Variants in ZNFX1 observed in about 807,000 individuals in gnomAD.
The protein encoded by ZNFX1 is NFX1-type zinc finger-containing protein 1.
In ZNFX1, 78 loss-of-function variants were observed where a neutral mutation model predicts 179.8. The ratio of observed to expected loss-of-function variants is 0.43; its 90% CI spans 0.36 to 0.52. The LOEUF (loss-of-function observed/expected upper bound fraction) is 0.52. Among genes scored for constraint, ZNFX1 ranks in the 20% least tolerant of loss-of-function variants. The pLI is 0.00. For missense variants in ZNFX1, 1,927 were observed against 2,386.6 expected (o/e 0.81, Z 4.01); for synonymous variants, 848 against 868.5 (o/e 0.98, Z 0.42).
chr20:49,262,408 A>G (rs895062590), intron 6 of ZNFX1, among the ~76,000 whole-genome samples: 4 of 94,288 alleles, frequency 4.2e-5, no homozygotes, highest in Non-Finnish European at 1.0e-4. Flanking sequence ...ACTCTGTCTC[A>G]AAAAAAAAAA....
chr20:49,266,864 C>T (rs1358931723), intron 3 of ZNFX1, among the ~76,000 whole-genome samples: 1 of 151,896 alleles, frequency 6.6e-6, no homozygotes, highest in Non-Finnish European at 1.5e-5. Context: ...AGTAAATGGC[C>T]ATTAATTAAT....
intron 5 of ZNFX1, among the ~76,000 whole-genome samples, chr20:49,264,401 C>T (rs966891349): frequency 6.6e-6 from 1 of 152,124 alleles, no homozygotes; most frequent in East Asian, 1.9e-4. Flanking sequence ...TTTGACTGGG[C>T]ACATTGCTGC....
At chr20:49,273,393 A>G in intron 2 of ZNFX1, among the ~76,000 whole-genome samples, 1 of 152,092 alleles carries the variant, frequency 6.6e-6, no homozygotes, top group East Asian at 1.9e-4. Context: ...CGGCCTCCCA[A>G]AGTGCTGGGA....
intron 6 of ZNFX1, among the ~76,000 whole-genome samples, chr20:49,262,394 G>A (rs1176118125): frequency 6.5e-5 from 9 of 137,964 alleles, no homozygotes; most frequent in African/African-American, 2.5e-4. Flanking sequence ...GTGAGAGAGT[G>A]AGAACTCTGT....
chr20:49,254,182 A>G (rs1980912065), intron 10 of ZNFX1, among the ~76,000 whole-genome samples: 1 of 152,032 alleles, frequency 6.6e-6, no homozygotes, highest in Non-Finnish European at 1.5e-5. Context: ...ACCCACCACT[A>G]CACCCAGCTA....
intron 2 of ZNFX1, among the ~76,000 whole-genome samples, chr20:49,274,330 A>T (rs1425688286): frequency 1.3e-5 from 2 of 152,252 alleles, no homozygotes; most frequent in African/African-American, 4.8e-5. Flanking sequence ...GAGGGAAATA[A>T]ATATATGTGA....
At position 49,255,831 on chromosome 20, in the gene ZNFX1, G is replaced by A. The variant is rs1600987986; in HGVS notation, c.2781C>T (p.Leu927=). 1 of 1,613,972 alleles carries A rather than the reference G, an allele frequency of 6.2e-7. No individual in the cohort carries two copies. Among genetic ancestry groups the A allele is most frequent in the East Asian group, 2.2e-5 (1 of 44,890 alleles). The change falls in exon 9 of 14, where the codon CTC becomes CTT. Residue 927 remains leucine (L), a synonymous_variant. Coordinates refer to ENST00000396105, the MANE Select transcript of ZNFX1 (RefSeq NM_021035.3). ...NEIEDVWQLD[L]SSRWQLYRLW... ...ACCTATAAAGCTGCCAGCGAGAACT[G>A]AGGTCCAGCTGCCAAACATCCTCGA... is the stretch of plus-strand genomic sequence containing the variant.
rs749731526 is a variant in ZNFX1 at position 49,270,123 on chromosome 20, A to G, written c.1689T>C (p.Asn563=). ...TTAGAAATTCCCCAGTGGCTGAAGG[A>G]TTCTCTATTAAGGGGGTAAAGTCGT... ...GRYDFTPLIE[N]PSATGEFLRN... Residue 563 remains asparagine, a synonymous_variant, in exon 3 of 14, where the codon AAT becomes AAC. Coordinates refer to ENST00000396105, the MANE Select transcript of ZNFX1 (RefSeq NM_021035.3). The surrounding 1 kb of genome is among the most constrained non-coding windows in gnomAD (Gnocchi z 4.6). 6.2e-7 allele frequency: 1 copy of G among 1,614,184 alleles called. No homozygotes were observed. The highest frequency in any genetic ancestry group is 2.2e-5 in the East Asian group (1 of 44,886).
intron 10 of ZNFX1, among the ~76,000 whole-genome samples, chr20:49,254,033 T>C (rs1284727069): frequency 8.0e-6 from 1 of 125,482 alleles, no homozygotes; most frequent in East Asian, 2.3e-4. Flanking sequence ...TTTTTTCTTT[T>C]TTTTTTTTTC....
chr20:49,251,309 G>C (rs1980831004), intron 13 of ZNFX1, among the ~76,000 whole-genome samples: 1 of 151,868 alleles, frequency 6.6e-6, no homozygotes, highest in African/African-American at 2.4e-5. Context: ...TGCTCAGCTA[G>C]TTTTTGTATT....
chr20:49,256,940 C>G (rs893164488), intron 8 of ZNFX1, among the ~76,000 whole-genome samples: 7 of 152,224 alleles, frequency 4.6e-5, no homozygotes, highest in Non-Finnish European at 7.3e-5. Flanking sequence ...CATGAAGACA[C>G]CTGGGCATTC....
At chr20:49,266,389 G>A (rs142297323) in intron 3 of ZNFX1, 123 bp from the exon 4 acceptor site, 437 of 1,011,228 alleles carry the variant, frequency 4.3e-4, no homozygotes, top group African/African-American at 3.9e-3. Context: ...TCTAAGAAGC[G>A]TACATTGTAT....
intron 2 of ZNFX1, 151 bp from the exon 3 acceptor site, chr20:49,271,901 AAAT>A: frequency 1.3e-5 from 12 of 920,332 alleles, no homozygotes; most frequent in Non-Finnish European, 1.6e-5. Flanking sequence ...GTCATATGAT[AAAT>A]GAAAGATAAT....
At chr20:49,257,289 AG>A in intron 8 of ZNFX1, 127 bp downstream of exon 8, 1 of 1,317,726 alleles carries the variant, frequency 7.6e-7, no homozygotes, top group Non-Finnish European at 1.0e-6. Flanking sequence ...ATCTCATACC[AG>A]GGGTAGGCTG....
chr20:49,269,915 T>C (rs763848655), intron 3 of ZNFX1, 27 bp downstream of exon 3: 1 of 1,563,840 alleles, frequency 6.4e-7, no homozygotes, highest in Admixed American at 2.0e-5. Flanking sequence ...AAGCAGATCT[T>C]ATGTACTCTA....
At chr20:49,276,030 A>G (rs1981548151) in intron 1 of ZNFX1, 143 bp from the exon 2 acceptor site, 1 of 575,974 alleles carries the variant, frequency 1.7e-6, no homozygotes, top group South Asian at 2.3e-5. Context: ...AATCTAGAGC[A>G]CAAGTGCTCG....
intron 7 of ZNFX1, among the ~76,000 whole-genome samples, chr20:49,258,368 G>A (rs1230048987): frequency 6.6e-6 from 1 of 152,122 alleles, no homozygotes; most frequent in African/African-American, 2.4e-5. Context: ...GATTACAGGT[G>A]TGAGCCACTG....
chr20:49,272,123 C>T (rs1981423122), intron 2 of ZNFX1, among the ~76,000 whole-genome samples: 4 of 151,772 alleles, frequency 2.6e-5, no homozygotes, highest in Admixed American at 2.0e-4. Context: ...GGCCTGGCCA[C>T]TGCCTTACTA....
chr20:49,254,680 G>A, intron 9 of ZNFX1, 31 bp from the exon 10 acceptor site: 2 of 1,608,002 alleles, frequency 1.2e-6, no homozygotes, highest in East Asian at 4.5e-5. Flanking sequence ...AGGAAAGAAA[G>A]CCACATGCTC....
Sources: allele counts gnomAD v4.1 joint callset (sites outside exome capture counted in the v4.1 genomes callset), GRCh38; gene constraint gnomAD v4.1.1; non-coding constraint Gnocchi (gnomAD v3.1); transcripts MANE v1.5; gene names NCBI Gene and HGNC (gene_info 2026-07-23, HGNC 2026-07-21).